PAK1: variants seen among roughly 807,000 people sequenced by gnomAD.
PAK1 encodes the protein p21 (RAC1) activated kinase 1, also known as serine/threonine-protein kinase PAK 1.
In PAK1, 29 loss-of-function variants were observed where a neutral mutation model predicts 67.4. The ratio of observed to expected loss-of-function variants is 0.43; its 90% CI spans 0.32 to 0.59. The LOEUF (loss-of-function observed/expected upper bound fraction) is 0.59. Ranked by LOEUF, PAK1 falls within the 20% of genes least tolerant of loss-of-function variation. PAK1 has a pLI of 0.07. For missense variants in PAK1, 337 were observed against 670.7 expected (o/e 0.50, Z 5.50); for synonymous variants, 223 against 237.4 (o/e 0.94, Z 0.56).
At chr11:77,469,841 T>C (rs957984805) in intron 1 of PAK1, among the ~76,000 whole-genome samples, 19 of 152,304 alleles carry the variant, frequency 1.2e-4, no homozygotes, top group African/African-American at 4.6e-4. Flanking sequence ...TTAGTTGATA[T>C]GTAATAATTG....
chr11:77,336,745 C>G (rs1565584047), intron 12 of PAK1, among the ~76,000 whole-genome samples: 1 of 152,110 alleles, frequency 6.6e-6, no homozygotes, highest in Non-Finnish European at 1.5e-5. Context: ...GCTAGCAGTC[C>G]TTCCATAAAC....
chr11:77,432,304 A>T (rs557936256), intron 1 of PAK1, among the ~76,000 whole-genome samples: 1 of 151,864 alleles, frequency 6.6e-6, no homozygotes, highest in South Asian at 2.1e-4. Context: ...TAATCTGATA[A>T]AGGCATCTAT....
the PAK1 span, among the ~76,000 whole-genome samples, chr11:77,515,530 T>A: frequency 2.6e-5 from 4 of 152,170 alleles, no homozygotes; most frequent in African/African-American, 4.8e-5. Context: ...CTATGGATCA[T>A]AGAAAACCTT....
chr11:77,416,587 A>G (rs1954965477), intron 1 of PAK1, among the ~76,000 whole-genome samples: 1 of 152,210 alleles, frequency 6.6e-6, no homozygotes, highest in East Asian at 1.9e-4. Context: ...ACACTCTAAA[A>G]TAACAACAAA....
chr11:77,369,288 A>AT (rs1290189920), intron 5 of PAK1, among the ~76,000 whole-genome samples: 1 of 150,022 alleles, frequency 6.7e-6, no homozygotes, highest in East Asian at 2.0e-4. Flanking sequence ...TTTTTTCTTT[A>AT]TTTTTTTACT....
intron 8 of PAK1, among the ~76,000 whole-genome samples, chr11:77,350,360 T>A (rs1288516635): frequency 6.6e-6 from 1 of 152,198 alleles, no homozygotes; most frequent in Non-Finnish European, 1.5e-5. Flanking sequence ...TGTGTACACA[T>A]ATGTATGTTA....
intron 1 of PAK1, among the ~76,000 whole-genome samples, chr11:77,434,975 C>A (rs1956047492): frequency 6.6e-6 from 1 of 151,740 alleles, no homozygotes; most frequent in African/African-American, 2.4e-5. Context: ...GTTGCCCAGT[C>A]TAGTTCCCAA....
intron 12 of PAK1, among the ~76,000 whole-genome samples, chr11:77,336,770 T>A (rs1942760721): frequency 6.6e-6 from 1 of 152,128 alleles, no homozygotes; most frequent in South Asian, 2.1e-4. Flanking sequence ...CATCCACCCA[T>A]GACACAGCCT....
chr11:77,346,916 T>TG (rs1944508569), intron 9 of PAK1: 2 of 422,570 alleles, frequency 4.7e-6, no homozygotes, highest in African/African-American at 4.1e-5. Context: ...AAAACACACT[T>TG]GAAAAATAAT....
chr11:77,375,200 ATAC>A (rs1948938329), intron 4 of PAK1, among the ~76,000 whole-genome samples: 1 of 152,212 alleles, frequency 6.6e-6, no homozygotes, highest in Non-Finnish European at 1.5e-5. Context: ...CTCATTCTAA[ATAC>A]TACGCTAGAA....
At chr11:77,326,873 T>C (rs1239085590) in intron 14 of PAK1, among the ~76,000 whole-genome samples, 10 of 151,706 alleles carry the variant, frequency 6.6e-5, no homozygotes, top group Admixed American at 6.6e-4. Flanking sequence ...GGCAAAGAAG[T>C]TAAAAGCTTT....
intron 2 of PAK1, among the ~76,000 whole-genome samples, chr11:77,386,006 G>A (rs1164247959): frequency 6.6e-6 from 1 of 152,152 alleles, no homozygotes; most frequent in Non-Finnish European, 1.5e-5. Context: ...GTGAGAAAGA[G>A]GAAAGAATCA....
At chr11:77,406,116 G>C (rs919395655) in intron 1 of PAK1, among the ~76,000 whole-genome samples, 2 of 152,050 alleles carry the variant, frequency 1.3e-5, no homozygotes, top group Non-Finnish European at 2.9e-5. Context: ...GACCTTCCTT[G>C]CTCGGAACCT....
intron 14 of PAK1, among the ~76,000 whole-genome samples, chr11:77,331,757 C>T (rs756236087): frequency 8.3e-6 from 1 of 120,092 alleles, no homozygotes; most frequent in Non-Finnish European, 1.7e-5. Context: ...GCACGTTGTG[C>T]ACATGTACCC....
At chr11:77,433,359 C>T (rs1288104645) in intron 1 of PAK1, among the ~76,000 whole-genome samples, 2 of 152,094 alleles carry the variant, frequency 1.3e-5, no homozygotes, top group Non-Finnish European at 1.5e-5. Flanking sequence ...AAAATAAAAA[C>T]TTTTGTGCTA....
chr11:77,416,103 C>T (rs138760857), intron 1 of PAK1, among the ~76,000 whole-genome samples: 274 of 151,880 alleles, frequency 1.8e-3, no homozygotes, highest in African/African-American at 6.3e-3. Context: ...CTCAGCCTCC[C>T]GAGTAGCTGG....
At chr11:77,369,439 C>T (rs1287205902) in intron 5 of PAK1, among the ~76,000 whole-genome samples, 1 of 130,296 alleles carries the variant, frequency 7.7e-6, no homozygotes, top group Non-Finnish European at 1.6e-5. Context: ...AAACCTTATA[C>T]ATTTCTTTTT....
chr11:77,506,261 G>A, the PAK1 span, among the ~76,000 whole-genome samples: 16 of 152,176 alleles, frequency 1.1e-4, no homozygotes, highest in African/African-American at 3.6e-4. Flanking sequence ...TCAGGGCTTT[G>A]CATGAAGTAA....
intron 14 of PAK1, among the ~76,000 whole-genome samples, chr11:77,325,775 T>C (rs940789698): frequency 9.2e-5 from 14 of 152,310 alleles, no homozygotes; most frequent in Non-Finnish European, 1.8e-4. Context: ...TCATAACTAA[T>C]AGGCCAGTAT....
Sources: allele counts gnomAD v4.1 joint callset (sites outside exome capture counted in the v4.1 genomes callset), GRCh38; gene constraint gnomAD v4.1.1; transcripts MANE v1.5; gene names NCBI Gene and HGNC (gene_info 2026-07-23, HGNC 2026-07-21).